CLTCL1: variants seen among roughly 807,000 people sequenced by gnomAD.
The protein encoded by CLTCL1 is clathrin heavy chain like 1.
CLTCL1 carries 159 observed loss-of-function variants against 190.0 expected under a neutral mutation model. The ratio of observed to expected loss-of-function variants is 0.84; its 90% confidence interval spans 0.74 to 0.95. The LOEUF (loss-of-function observed/expected upper bound fraction) is 0.95. CLTCL1 is among the 40% of genes least tolerant of loss of function. The pLI is 0.00. For synonymous variants in CLTCL1, 752 were observed against 769.6 expected, an observed-to-expected ratio of 0.98 and a Z score of 0.38; for missense variants, 1,878 against 2,033.4, an observed-to-expected ratio of 0.92 and a Z score of 1.47.
chr22:19,195,989 G>C (rs1212367703), intron 26 of CLTCL1, among the ~76,000 whole-genome samples: 4 of 152,238 alleles, frequency 2.6e-5, no homozygotes, highest in Non-Finnish European at 5.9e-5. Context: ...GGGGCGGGCA[G>C]GCAGGGCCAC....
intron 2 of CLTCL1, among the ~76,000 whole-genome samples, chr22:19,255,909 CAA>C (rs545204392): frequency 3.9e-4 from 28 of 72,526 alleles, no homozygotes; most frequent in Non-Finnish European, 3.8e-4. Context: ...GACTCTGTCT[CAA>C]AAAAAAAAAA....
chr22:19,275,552 G>A, intron 2 of CLTCL1, 71 bp downstream of exon 2: 1 of 1,430,974 alleles, frequency 7.0e-7, no homozygotes, highest in South Asian at 1.2e-5. Flanking sequence ...AGTGACACTT[G>A]TTCAATATTT....
chr22:19,193,278 C>T (rs1428757912), intron 26 of CLTCL1, among the ~76,000 whole-genome samples: 5 of 152,228 alleles, frequency 3.3e-5, no homozygotes, highest in African/African-American at 9.6e-5. Flanking sequence ...GCCGGAATGC[C>T]GTTTAAGGTG....
chr22:19,216,185 T>A lies in CLTCL1; in HGVS notation c.2991A>T (p.Thr997=). Residue 997 remains threonine, a synonymous_variant, in exon 19 of 33, where the codon ACA becomes ACT. Coordinates refer to ENST00000427926, the MANE Select transcript of CLTCL1 (RefSeq NM_007098.4). ...EISVTVKAFM[T]ADLPNELIEL... is the part of the protein sequence containing the mutation. ...CAATCAGTTCATTAGGCAGGTCGGC[T>A]GTCATAAAGGCTTTGACAGTGACCG... is the stretch of plus-strand genomic sequence containing the variant. The A allele has an allele frequency of 6.2e-7, 1 of 1,613,998 alleles. No individual in the cohort carries two copies. The highest frequency in any genetic ancestry group is 8.5e-7 in the Non-Finnish European group (1 of 1,179,848).
At chr22:19,290,231 G>C (rs2088059231) in intron 1 of CLTCL1, among the ~76,000 whole-genome samples, 1 of 152,178 alleles carries the variant, frequency 6.6e-6, no homozygotes, top group South Asian at 2.1e-4. Context: ...TCAGACCTGG[G>C]TTAGAACTCA....
intron 2 of CLTCL1, among the ~76,000 whole-genome samples, chr22:19,263,113 CATTT>C (rs1312613512): frequency 6.6e-6 from 1 of 150,530 alleles, no homozygotes; most frequent in Non-Finnish European, 1.5e-5. Flanking sequence ...ATAGATTATT[CATTT>C]ATTTATTTAT....
chr22:19,180,696 T>C (rs2084104337), intron 31 of CLTCL1, 35 bp downstream of exon 31: 1 of 1,606,026 alleles, frequency 6.2e-7, no homozygotes, highest in Non-Finnish European at 8.5e-7. Context: ...CCCTGCTCCC[T>C]CCCCAGGGGG....
In CLTCL1 at chr22:19,201,493, C is replaced by T. The variant is rs2146323052; in HGVS notation, c.3601G>A (p.Val1201Ile). The T allele has an allele frequency of 6.2e-7, 1 of 1,611,018 alleles. No homozygotes were observed. Among genetic ancestry groups the T allele is most frequent in the African/African-American group, 1.3e-5 (1 of 74,914 alleles). ...NGPNNAHIQQ[V>I]GDRCYEEGMY... ...CCCTCCTCGTAACAGCGGTCTCCAA[C>T]CTACGGATAATAGGGTAGCTCGACT... The change falls in exon 23 of 33, where the codon GTT becomes ATT. Residue 1201 changes from valine to isoleucine, a missense_variant and splice_region_variant. Transcript: ENST00000427926.
chr22:19,269,759 C>G (rs868960014), intron 2 of CLTCL1, among the ~76,000 whole-genome samples: 1 of 152,152 alleles, frequency 6.6e-6, no homozygotes, highest in South Asian at 2.1e-4. Context: ...GCGAGGGGAA[C>G]AACACACACC....
At chr22:19,235,551 T>C (rs1555961536) in intron 6 of CLTCL1, 145 bp downstream of exon 6, 2 of 727,928 alleles carry the variant, frequency 2.7e-6, no homozygotes, top group African/African-American at 1.8e-5. Flanking sequence ...GAAGTGTCAA[T>C]ATGAAGGAGG....
At chr22:19,223,160 C>T (rs1005579793) in intron 14 of CLTCL1, among the ~76,000 whole-genome samples, 3 of 152,182 alleles carry the variant, frequency 2.0e-5, no homozygotes, top group Non-Finnish European at 2.9e-5. Context: ...TTTTCAGACA[C>T]GCAGCCGCAG....
intron 23 of CLTCL1, among the ~76,000 whole-genome samples, chr22:19,200,458 T>A (rs142950786): frequency 7.6e-4 from 116 of 152,366 alleles, no homozygotes; most frequent in African/African-American, 2.7e-3. Flanking sequence ...TGCATGATGA[T>A]ATATTCCTCG....
At chr22:19,215,341 A>G (rs1398756252) in intron 19 of CLTCL1, among the ~76,000 whole-genome samples, 3 of 152,240 alleles carry the variant, frequency 2.0e-5, no homozygotes, top group Admixed American at 1.3e-4. Flanking sequence ...AATAAATCTC[A>G]TAACTAAATC....
At chr22:19,218,672 T>C (rs1192511247) in intron 18 of CLTCL1, among the ~76,000 whole-genome samples, 1 of 152,148 alleles carries the variant, frequency 6.6e-6, no homozygotes, top group Admixed American at 6.5e-5. Context: ...GCCCCACCCC[T>C]AAACAGTCTG....
At chr22:19,226,829 C>T (rs1213458894) in intron 11 of CLTCL1, among the ~76,000 whole-genome samples, 1 of 152,034 alleles carries the variant, frequency 6.6e-6, no homozygotes, top group African/African-American at 2.4e-5. Context: ...CCTCCATCTC[C>T]CAGGTTCAAG....
At chr22:19,180,434 A>G (rs911808128) in intron 31 of CLTCL1, among the ~76,000 whole-genome samples, 196 bp from the exon 32 acceptor site, 2 of 152,136 alleles carry the variant, frequency 1.3e-5, no homozygotes, top group Non-Finnish European at 2.9e-5. Flanking sequence ...AGCCCCTCCC[A>G]GCACACACCA....
In CLTCL1 at chr22:19,242,901, A is replaced by G; in HGVS notation, c.555T>C (p.Ser185=). The change falls in exon 4 of 33, where the codon TCT becomes TCC. Residue 185 remains serine, a synonymous_variant. Coordinates refer to ENST00000427926, the MANE Select transcript of CLTCL1 (RefSeq NM_007098.4). ...NRVVGAMQLY[S]VDRKVSQPIE... ...TGGGTTGTGAAACCTTCCTATCCAC[A>G]GAGTAGAGCTGCATTGCTCCAACCA... 1 of 1,613,994 alleles carries G rather than the reference A, an allele frequency of 6.2e-7. No homozygotes were observed. The highest frequency in any genetic ancestry group is 8.5e-7 in the Non-Finnish European group (1 of 1,179,882).
intron 1 of CLTCL1, among the ~76,000 whole-genome samples, chr22:19,276,369 T>C (rs361991): frequency 0.4 from 60,407 of 152,064 alleles, 12,919 homozygotes; most frequent in South Asian, 0.53. Flanking sequence ...TCTAAGTCAG[T>C]GTGAATACTT....
intron 7 of CLTCL1, among the ~76,000 whole-genome samples, 168 bp from the exon 8 acceptor site, chr22:19,233,790 A>G (rs1036725878): frequency 6.6e-6 from 1 of 152,200 alleles, no homozygotes; most frequent in Non-Finnish European, 1.5e-5. Context: ...AACAATAACC[A>G]TAAGTATAGG....
Sources: allele counts gnomAD v4.1 joint callset (sites outside exome capture counted in the v4.1 genomes callset), GRCh38; gene constraint gnomAD v4.1.1; transcripts MANE v1.5; gene names NCBI Gene and HGNC (gene_info 2026-07-23, HGNC 2026-07-21).